The following SLC1A1 variants were observed in gnomAD, a reference collection of about 807,000 sequenced individuals.
The protein encoded by SLC1A1 is excitatory amino acid transporter 3.
In SLC1A1, 43 loss-of-function variants were observed where a neutral mutation model predicts 53.3. The observed-to-expected ratio is 0.81, with a 90% confidence interval of 0.63 to 1.04. SLC1A1 has a LOEUF of 1.04. SLC1A1 is among the 50% of genes least tolerant of loss of function. The pLI is 0.00. For missense variants in SLC1A1, 748 were observed against 664.9 expected (o/e 1.12, Z -1.37); for synonymous variants, 307 against 243.2 (o/e 1.26, Z -2.44).
intron 10 of SLC1A1, among the ~76,000 whole-genome samples, chr9:4,579,275 G>C (rs1175917135): frequency 1.3e-5 from 2 of 152,198 alleles, no homozygotes; most frequent in East Asian, 3.8e-4. Context: ...AAAAGTTTCT[G>C]CTCCACAACC....
At chr9:4,538,969 A>C (rs1423823449) in intron 1 of SLC1A1, among the ~76,000 whole-genome samples, 1 of 152,248 alleles carries the variant, frequency 6.6e-6, no homozygotes, top group Non-Finnish European at 1.5e-5. Context: ...TAATTTGCTT[A>C]ATGTAGTGCC....
intron 10 of SLC1A1, among the ~76,000 whole-genome samples, chr9:4,578,206 G>A (rs1287742847): frequency 6.6e-6 from 1 of 152,210 alleles, no homozygotes; most frequent in Admixed American, 6.5e-5. Context: ...CTTCAAATGT[G>A]TAAGTCACAA....
intron 4 of SLC1A1, 66 bp from the exon 5 acceptor site, chr9:4,565,981 T>C: frequency 8.5e-7 from 1 of 1,180,564 alleles, no homozygotes; most frequent in Non-Finnish European, 1.3e-6. Flanking sequence ...TTTCTACCAA[T>C]ATATTAGGTA....
rs746701291 is a variant in SLC1A1 at position 4,583,130 on chromosome 9, C to G, written c.1286C>G (p.Pro429Arg). 6.2e-7 allele frequency: 1 copy of G among 1,614,182 alleles called. No homozygotes were observed. Among genetic ancestry groups the G allele is most frequent in the South Asian group, 1.1e-5 (1 of 91,078 alleles). Residue 429 changes from proline to arginine, a missense_variant, in exon 11 of 12, where the codon CCC becomes CGC. Transcript: ENST00000262352. This position sits in a 1 kb window ranked among gnomAD's most constrained non-coding sequence, Gnocchi z 4.6. ...MVIVLSAVGL[P>R]AEDVTLIIAV... is the part of the protein sequence containing the mutation. ...ATTGTGCTGAGTGCCGTGGGCCTGC[C>G]CGCCGAGGATGTCACCCTGATCATT...
At chr9:4,499,079 C>T (rs1339176092) in intron 1 of SLC1A1, among the ~76,000 whole-genome samples, 3 of 141,516 alleles carry the variant, frequency 2.1e-5, no homozygotes, top group African/African-American at 7.9e-5. Flanking sequence ...AAGTCTCACT[C>T]TGTCACCTAG....
At chr9:4,576,162 T>G (rs776945327) in intron 9 of SLC1A1, 39 bp downstream of exon 9, 113 of 1,591,976 alleles carry the variant, frequency 7.1e-5, no homozygotes, top group Non-Finnish European at 9.4e-5. Flanking sequence ...GCCTCCAGGC[T>G]CAACGTTATC....
intron 1 of SLC1A1, among the ~76,000 whole-genome samples, chr9:4,521,470 G>T (rs1196152768): frequency 6.6e-6 from 1 of 152,182 alleles, no homozygotes; most frequent in Non-Finnish European, 1.5e-5. Context: ...AAGTGCCATG[G>T]TGGCTGAGGA....
At chr9:4,543,539 C>G (rs994783878) in intron 1 of SLC1A1, among the ~76,000 whole-genome samples, 2 of 152,154 alleles carry the variant, frequency 1.3e-5, no homozygotes, top group African/African-American at 4.8e-5. Context: ...ATATGGGCAT[C>G]TTGTTAAGGA....
intron 2 of SLC1A1, among the ~76,000 whole-genome samples, chr9:4,550,040 G>A (rs936355896): frequency 6.6e-6 from 1 of 152,164 alleles, no homozygotes; most frequent in Non-Finnish European, 1.5e-5. Context: ...CAGATATCAA[G>A]CCAAGAAAAC....
intron 10 of SLC1A1, among the ~76,000 whole-genome samples, chr9:4,578,359 A>G (rs1820756851): frequency 6.6e-6 from 1 of 152,274 alleles, no homozygotes; most frequent in Non-Finnish European, 1.5e-5. Context: ...CAATTAAGTA[A>G]TATGCATATA....
intron 1 of SLC1A1, among the ~76,000 whole-genome samples, chr9:4,536,761 T>A (rs1305635963): frequency 6.6e-6 from 1 of 152,168 alleles, no homozygotes; most frequent in Non-Finnish European, 1.5e-5. Flanking sequence ...TATTGCAGCA[T>A]TATTCACAAT....
chr9:4,578,506 T>C (rs1169219913), intron 10 of SLC1A1, among the ~76,000 whole-genome samples: 2 of 151,418 alleles, frequency 1.3e-5, no homozygotes, highest in Admixed American at 6.6e-5. Context: ...TAGAAGCAGG[T>C]AGAGAAGGGA....
At position 4,545,189 on chromosome 9, in the gene SLC1A1, GTC is replaced by G. The variant is rs6150901; in HGVS notation, c.232+511_232+512del. 7.1e-3 allele frequency among the ~76,000 whole-genome samples: 923 copies of G among 130,790 alleles called. 9 individuals carry two copies. The highest frequency in any genetic ancestry group is 0.029 in the Middle Eastern group (7 of 242). 85.8% of individuals were successfully genotyped at this position (130,790 alleles called of 152,430 possible). A position where few individuals can be genotyped will look rare whatever the true frequency, so the allele number is the denominator to read the frequency against. The stretch of plus-strand genomic sequence containing the variant: ...CGGGAAAAATTGAAATACATTAGAT[GTC>G]TCTCTCTCTCTCTCTCTCTCTCTCT... On this transcript the variant is annotated intron_variant, in intron 2 of 11. Transcript: ENST00000262352.
At chr9:4,498,763 T>C (rs932882208) in intron 1 of SLC1A1, among the ~76,000 whole-genome samples, 2 of 151,078 alleles carry the variant, frequency 1.3e-5, no homozygotes, top group African/African-American at 4.9e-5. Context: ...TAATATTTTC[T>C]AGAAATTTGG....
intron 1 of SLC1A1, among the ~76,000 whole-genome samples, chr9:4,495,509 G>A (rs1182536292): frequency 6.6e-6 from 1 of 152,130 alleles, no homozygotes; most frequent in African/African-American, 2.4e-5. Context: ...CTGGCAAGGT[G>A]GGGGGTTGCA....
chr9:4,559,236 G>T (rs1818703582), intron 2 of SLC1A1, among the ~76,000 whole-genome samples: 1 of 152,140 alleles, frequency 6.6e-6, no homozygotes, highest in Non-Finnish European at 1.5e-5. Flanking sequence ...AAATCGAATA[G>T]AATCTATCAT....
chr9:4,544,527 A>G (rs771713841), intron 1 of SLC1A1, 40 bp from the exon 2 acceptor site: 1 of 1,599,454 alleles, frequency 6.3e-7, no homozygotes, highest in Non-Finnish European at 8.6e-7. Context: ...AGAACTCAAT[A>G]ATGTTCCTCT....
chr9:4,583,111 C>G lies in SLC1A1; in HGVS notation c.1267C>G (p.Leu423Val), dbSNP rs1349682113. The G allele has an allele frequency of 5.0e-6, 8 of 1,614,234 alleles. No individual in the cohort carries two copies. Among genetic ancestry groups the G allele is most frequent in the Non-Finnish European group, 6.8e-6 (8 of 1,180,046 alleles). ...QAGLVTMVIV[L>V]SAVGLPAEDV... Reference sequence around the variant, plus strand: ...TGGCCTGGTGACCATGGTGATTGTGCTGAGTGCCGTGGGCCTGCCCGCCGA... The same window carrying G: ...TGGCCTGGTGACCATGGTGATTGTGGTGAGTGCCGTGGGCCTGCCCGCCGA... The change falls in exon 11 of 12, where the codon CTG (leucine) becomes GTG (valine). Residue 423 changes from leucine to valine, a missense_variant. Physicochemically the swap from Leu to Val is conservative, Grantham distance 32. Transcript: ENST00000262352. The surrounding 1 kb of genome is among the most constrained non-coding windows in gnomAD (Gnocchi z 4.6).
chr9:4,519,170 C>T lies in SLC1A1; in HGVS notation c.92-25397C>T, dbSNP rs80195803. 6.6e-3 allele frequency among the ~76,000 whole-genome samples: 1,009 copies of T among 152,296 alleles called. 10 individuals carry two copies. Among genetic ancestry groups the T allele is most frequent in the South Asian group, 0.02 (98 of 4,812 alleles). On this transcript the variant is annotated intron_variant, in intron 1 of 11. Transcript: ENST00000262352. ...AAAGAGAAGTTTCTGTTCAATCCTC[C>T]ACTGGGAGTGTGTCTTTAGGCCTCT...
Sources: allele counts gnomAD v4.1 joint callset (sites outside exome capture counted in the v4.1 genomes callset), GRCh38; gene constraint gnomAD v4.1.1; non-coding constraint Gnocchi (gnomAD v3.1); transcripts MANE v1.5; gene names NCBI Gene and HGNC (gene_info 2026-07-23, HGNC 2026-07-21).